Variants in FAM227B observed in about 807,000 individuals in gnomAD.
FAM227B encodes family with sequence similarity 227 member B.
A neutral mutation model predicts 73.8 loss-of-function variants in FAM227B; 88 were observed. That is an observed-to-expected ratio of 1.19 (90% CI 1.00 to 1.42). FAM227B has a LOEUF of 1.42. Among genes scored for constraint, FAM227B ranks in the 40% most tolerant of loss-of-function variants. The pLI, the probability that FAM227B is intolerant of heterozygous loss-of-function variation, is 0.00. For missense variants in FAM227B, 632 were observed against 590.9 expected (o/e 1.07, Z -0.72); for synonymous variants, 210 against 190.5 (o/e 1.10, Z -0.84).
chr15:49,508,469 T>C (rs1334201847), intron 10 of FAM227B, 121 bp from the exon 11 acceptor site: 22 of 829,852 alleles, frequency 2.7e-5, no homozygotes, highest in Non-Finnish European at 3.7e-5. Context: ...AGTTCCTTTT[T>C]TGTTCCTTTT....
At chr15:49,514,310 C>T (rs1478853381) in intron 10 of FAM227B, among the ~76,000 whole-genome samples, 1 of 152,032 alleles carries the variant, frequency 6.6e-6, no homozygotes, top group Non-Finnish European at 1.5e-5. Context: ...AGAGGTCTTT[C>T]ATGTCCCTTG....
intron 11 of FAM227B, among the ~76,000 whole-genome samples, chr15:49,420,484 T>A (rs1016192529): frequency 6.6e-6 from 1 of 152,098 alleles, no homozygotes; most frequent in Non-Finnish European, 1.5e-5. Flanking sequence ...TATGTGTATA[T>A]ACATATACAC....
intron 11 of FAM227B, among the ~76,000 whole-genome samples, chr15:49,422,132 G>C (rs915534172): frequency 7.0e-6 from 1 of 142,310 alleles, no homozygotes; most frequent in Non-Finnish European, 1.6e-5. Flanking sequence ...GAGAGAGAGA[G>C]AGAGAGAGAG....
chr15:49,546,517 C>A (rs1171783237), intron 9 of FAM227B, among the ~76,000 whole-genome samples: 1 of 152,168 alleles, frequency 6.6e-6, no homozygotes, highest in Non-Finnish European at 1.5e-5. Context: ...AGTTCTAGAT[C>A]CCTGAGGAAT....
chr15:49,406,846 G>A (rs1195720029), intron 11 of FAM227B, among the ~76,000 whole-genome samples: 2 of 152,092 alleles, frequency 1.3e-5, no homozygotes, highest in African/African-American at 2.4e-5. Context: ...CAGAGCAGCC[G>A]GGCTGGCCAT....
At chr15:49,443,423 C>T (rs1006713871) in intron 11 of FAM227B, among the ~76,000 whole-genome samples, 6 of 151,290 alleles carry the variant, frequency 4.0e-5, no homozygotes, top group Non-Finnish European at 8.9e-5. Context: ...GATAAGAGCA[C>T]CTACACCACA....
chr15:49,396,938 G>C (rs371926749), intron 11 of FAM227B, among the ~76,000 whole-genome samples: 1 of 152,182 alleles, frequency 6.6e-6, no homozygotes, highest in Admixed American at 6.5e-5. Context: ...AAAGCAGAGC[G>C]CCTCTCCTCC....
intron 11 of FAM227B, among the ~76,000 whole-genome samples, chr15:49,395,336 T>G (rs1051889813): frequency 6.6e-6 from 1 of 152,176 alleles, no homozygotes; most frequent in African/African-American, 2.4e-5. Flanking sequence ...TTGTAGGCAA[T>G]GTTTCCACTT....
intron 12 of FAM227B, among the ~76,000 whole-genome samples, chr15:49,369,873 GAAGA>G (rs1449220068): frequency 1.3e-5 from 2 of 152,126 alleles, no homozygotes; most frequent in Non-Finnish European, 2.9e-5. Context: ...TTTCCTTCCA[GAAGA>G]AATACTTATA....
At chr15:49,456,186 GAATT>G (rs543416179) in intron 11 of FAM227B, among the ~76,000 whole-genome samples, 38 of 152,148 alleles carry the variant, frequency 2.5e-4, no homozygotes, top group Middle Eastern at 3.4e-3. Flanking sequence ...CTATATTTCA[GAATT>G]AATTCTTTAG....
At chr15:49,405,663 T>G (rs1567222049) in intron 11 of FAM227B, among the ~76,000 whole-genome samples, 1 of 152,198 alleles carries the variant, frequency 6.6e-6, no homozygotes, top group Non-Finnish European at 1.5e-5. Flanking sequence ...CATCATTTTA[T>G]TTTAGCTTCC....
chr15:49,558,275 C>T (rs918287651), intron 9 of FAM227B, among the ~76,000 whole-genome samples: 3 of 152,166 alleles, frequency 2.0e-5, no homozygotes, highest in Admixed American at 2.0e-4. Flanking sequence ...GCCCTGGATC[C>T]ACCTAAACAC....
chr15:49,547,975 T>C (rs1215853552), intron 9 of FAM227B, among the ~76,000 whole-genome samples: 1 of 152,194 alleles, frequency 6.6e-6, no homozygotes, highest in Non-Finnish European at 1.5e-5. Flanking sequence ...ACAAATGGAC[T>C]TAACAGATAT....
chr15:49,539,296 G>T (rs976301422), intron 10 of FAM227B, among the ~76,000 whole-genome samples: 2 of 152,198 alleles, frequency 1.3e-5, no homozygotes, highest in South Asian at 2.1e-4. Flanking sequence ...AGCTACAAAG[G>T]CTGCTGGGAT....
intron 11 of FAM227B, among the ~76,000 whole-genome samples, chr15:49,464,436 G>A (rs543627033): frequency 2.0e-5 from 3 of 152,236 alleles, no homozygotes; most frequent in Non-Finnish European, 2.9e-5. Context: ...AAGTATGTAC[G>A]TGTAGTGAAA....
At chr15:49,512,963 G>A (rs2152123610) in intron 10 of FAM227B, among the ~76,000 whole-genome samples, 1 of 152,150 alleles carries the variant, frequency 6.6e-6, no homozygotes, top group Non-Finnish European at 1.5e-5. Flanking sequence ...AGTATTCCAT[G>A]GTGTATATGT....
At chr15:49,558,087 T>C (rs1848288) in intron 9 of FAM227B, among the ~76,000 whole-genome samples, 49,794 of 151,892 alleles carry the variant, frequency 0.33, 8,941 homozygotes, top group African/African-American at 0.46. Context: ...CTGCTCCTCA[T>C]CCGGCAGGGC....
At chr15:49,577,750 A>G in intron 5 of FAM227B, 86 bp from the exon 6 acceptor site, 1 of 670,216 alleles carries the variant, frequency 1.5e-6, no homozygotes, top group Non-Finnish European at 2.5e-6. Context: ...ACTAGTATGC[A>G]TAGATAACTA....
intron 13 of FAM227B, among the ~76,000 whole-genome samples, chr15:49,363,305 A>G (rs1166084590): frequency 6.6e-6 from 1 of 151,982 alleles, no homozygotes; most frequent in Non-Finnish European, 1.5e-5. Context: ...TCTTTGAGCA[A>G]TGTTTTGTAA....
Sources: gnomAD v4.1 joint callset for allele counts (sites outside exome capture counted in the v4.1 genomes callset) on GRCh38, gnomAD v4.1.1 for gene constraint, MANE v1.5 for transcripts, NCBI Gene and HGNC (gene_info 2026-07-23, HGNC 2026-07-21) for gene names.